Variants in COL6A5 observed in about 807,000 individuals in gnomAD.
The protein encoded by COL6A5 is collagen type VI alpha 5 chain.
A neutral mutation model predicts 65.6 loss-of-function variants in COL6A5; 48 were observed. The observed-to-expected ratio is 0.73, with a 90% CI of 0.58 to 0.93. The LOEUF is 0.93. Among genes scored for constraint, COL6A5 ranks in the 40% least tolerant of loss-of-function variants. COL6A5 has a pLI of 0.00. For missense variants in COL6A5, 914 were observed against 928.3 expected (o/e 0.98, Z 0.20); for synonymous variants, 291 against 322.8 (o/e 0.90, Z 1.05).
At chr3:130,453,249 A>G (rs1247198677) in intron 4 of COL6A5, among the ~76,000 whole-genome samples, 3 of 152,174 alleles carry the variant, frequency 2.0e-5, no homozygotes, top group African/African-American at 7.2e-5. Flanking sequence ...AATCTTCACA[A>G]TTTATGTTTA....
At chr3:130,477,112 A>T (rs1559923777) in intron 7 of COL6A5, 1 of 1,465,846 alleles carries the variant, frequency 6.8e-7, no homozygotes, top group Non-Finnish European at 9.2e-7. Context: ...CTTTCGTCAT[A>T]GTGATTCATA....
chr3:130,384,959 T>C, exon 5 of COL6A5: 1 of 1,551,000 alleles, frequency 6.4e-7, no homozygotes, highest in Non-Finnish European at 8.7e-7. Context: ...AGTTGTGCAG[T>C]ATTCAGATGA....
At chr3:130,380,335 C>G (rs536088809) in intron 4 of COL6A5, among the ~76,000 whole-genome samples, 1 of 152,064 alleles carries the variant, frequency 6.6e-6, no homozygotes, top group Non-Finnish European at 1.5e-5. Flanking sequence ...GCTTGACATA[C>G]AGAAGAAAAT....
chr3:130,462,871 T>C (rs1316911118), intron 5 of COL6A5, among the ~76,000 whole-genome samples: 1 of 152,070 alleles, frequency 6.6e-6, no homozygotes, highest in Non-Finnish European at 1.5e-5. Context: ...ATGGGTCCTT[T>C]CATGTTTCTG....
chr3:130,375,758 G>A (rs1018092985), intron 2 of COL6A5, among the ~76,000 whole-genome samples: 2 of 152,116 alleles, frequency 1.3e-5, no homozygotes, highest in African/African-American at 4.8e-5. Context: ...GGTAGCAGTA[G>A]AGAGAAGTGC....
chr3:130,476,768 T>G, intron 7 of COL6A5: 1 of 528,050 alleles, frequency 1.9e-6, no homozygotes, highest in Non-Finnish European at 3.6e-6. Flanking sequence ...GTGTGCGTCT[T>G]TGTTGTTTGT....
chr3:130,407,506 A>G (rs1360692025), intron 17 of COL6A5, among the ~76,000 whole-genome samples: 1 of 152,268 alleles, frequency 6.6e-6, no homozygotes, highest in Non-Finnish European at 1.5e-5. Flanking sequence ...AAATCAGGTG[A>G]GAAGTGATGA....
intron 1 of COL6A5, among the ~76,000 whole-genome samples, chr3:130,356,556 G>T (rs1157407827): frequency 6.7e-6 from 1 of 149,830 alleles, no homozygotes; most frequent in Non-Finnish European, 1.5e-5. Flanking sequence ...CTTTTGCACC[G>T]ACCTAATATA....
chr3:130,361,983 T>C (rs1559857624), intron 1 of COL6A5, among the ~76,000 whole-genome samples: 1 of 152,022 alleles, frequency 6.6e-6, no homozygotes, highest in Non-Finnish European at 1.5e-5. Context: ...TTGCAAACCT[T>C]CCCCTGCCTA....
At chr3:130,421,887 C>T (rs1577493397) in intron 27 of COL6A5, among the ~76,000 whole-genome samples, 2 of 151,978 alleles carry the variant, frequency 1.3e-5, no homozygotes, top group East Asian at 1.9e-4. Context: ...GATAGAAATC[C>T]ATCTTCATGC....
chr3:130,470,390 C>T (rs940511341), intron 6 of COL6A5, among the ~76,000 whole-genome samples: 3 of 152,028 alleles, frequency 2.0e-5, no homozygotes, highest in Non-Finnish European at 4.4e-5. Context: ...CCAGGGCTTA[C>T]ACAGTTCGCA....
intron 1 of COL6A5, among the ~76,000 whole-genome samples, chr3:130,432,647 T>TGGTG (rs1185655611): frequency 2.6e-5 from 4 of 152,090 alleles, no homozygotes; most frequent in Non-Finnish European, 2.9e-5. Context: ...CTTAGGTCTA[T>TGGTG]GTGATAGAAA....
chr3:130,362,610 T>C (rs1206125898), intron 1 of COL6A5, among the ~76,000 whole-genome samples: 2 of 152,134 alleles, frequency 1.3e-5, no homozygotes, highest in Non-Finnish European at 2.9e-5. Flanking sequence ...GTATTGTTTA[T>C]TCTGAGTCTT....
chr3:130,410,553 C>T, intron 20 of COL6A5, 29 bp downstream of exon 20: 1 of 1,533,648 alleles, frequency 6.5e-7, no homozygotes, highest in Non-Finnish European at 8.8e-7. Context: ...ATTTATTTCC[C>T]CTCCTTGCCA....
At chr3:130,409,958 A>G (rs1937119109) in intron 18 of COL6A5, 51 bp from the exon 19 acceptor site, 10 of 1,303,448 alleles carry the variant, frequency 7.7e-6, no homozygotes, top group South Asian at 2.6e-5. Context: ...CGTTTTGGGG[A>G]AAAAGCTGAT....
At chr3:130,426,865 G>T (rs1439885866), upstream of COL6A5, among the ~76,000 whole-genome samples, 2 of 151,960 alleles carry the variant, frequency 1.3e-5, no homozygotes, top group African/African-American at 4.8e-5. Context: ...AAGGAATAAA[G>T]CAGGAGTCAA....
At chr3:130,413,016 C>T (rs111608039) in intron 20 of COL6A5, among the ~76,000 whole-genome samples, 4,890 of 152,178 alleles carry the variant, frequency 0.032, 96 homozygotes, top group South Asian at 0.083. Context: ...GAGGCAAAGA[C>T]AGGGTTTGAG....
intron 20 of COL6A5, among the ~76,000 whole-genome samples, chr3:130,412,565 G>A (rs1168549648): frequency 6.6e-6 from 1 of 152,208 alleles, no homozygotes; most frequent in Non-Finnish European, 1.5e-5. Context: ...AATGAAGACA[G>A]AATTGTGATG....
At chr3:130,456,758 A>T (rs1430048925) in intron 5 of COL6A5, among the ~76,000 whole-genome samples, 2 of 152,126 alleles carry the variant, frequency 1.3e-5, no homozygotes, top group Non-Finnish European at 2.9e-5. Context: ...GTTAGAGTAC[A>T]TAAGTATAAG....
Sources: allele counts gnomAD v4.1 joint callset (sites outside exome capture counted in the v4.1 genomes callset), GRCh38; gene constraint gnomAD v4.1.1; transcripts MANE v1.5; gene names NCBI Gene and HGNC (gene_info 2026-07-23, HGNC 2026-07-21).